The following MRGPRX3 variants were observed in gnomAD, a reference collection of about 807,000 sequenced individuals.
MRGPRX3 encodes the protein MAS related GPR family member X3, also known as mas-related G protein-coupled receptor member X3.
MRGPRX3 carries 14 observed loss-of-function variants against 16.5 expected under a neutral mutation model. The ratio of observed to expected loss-of-function variants is 0.85; its 90% CI spans 0.56 to 1.33. The LOEUF is 1.33. MRGPRX3 is among the 40% of genes most tolerant of loss of function. The pLI, the probability that MRGPRX3 is intolerant of heterozygous loss-of-function variation, is 0.00. For synonymous variants in MRGPRX3, 199 were observed against 180.1 expected (o/e 1.10, Z -0.84); for missense variants, 449 against 413.0 (o/e 1.09, Z -0.76).
chr11:18,124,932 G>A (rs995426354), intron 1 of MRGPRX3, among the ~76,000 whole-genome samples: 5 of 152,180 alleles, frequency 3.3e-5, no homozygotes, highest in East Asian at 1.9e-4. Context: ...TATATGTGTC[G>A]AGGAATTTAT....
At chr11:18,121,825 A>G (rs1848841097) in intron 1 of MRGPRX3, among the ~76,000 whole-genome samples, 1 of 151,744 alleles carries the variant, frequency 6.6e-6, no homozygotes, top group African/African-American at 2.4e-5. Context: ...AGTCATCACC[A>G]CTCCCTAATC....
chr11:18,129,112 T>C (rs1047760892), upstream of MRGPRX3, among the ~76,000 whole-genome samples: 1 of 152,060 alleles, frequency 6.6e-6, no homozygotes, highest in African/African-American at 2.4e-5. Flanking sequence ...AAATAGACAA[T>C]CTGAAGTCAC....
intron 1 of MRGPRX3, among the ~76,000 whole-genome samples, chr11:18,136,519 A>G (rs1849008720): frequency 1.3e-5 from 2 of 152,240 alleles, no homozygotes; most frequent in Non-Finnish European, 2.9e-5. Flanking sequence ...AATGCCTTAC[A>G]TTGTGCTTTC....
chr11:18,124,625 T>C (rs1300995116), intron 1 of MRGPRX3, among the ~76,000 whole-genome samples: 2 of 152,226 alleles, frequency 1.3e-5, no homozygotes, highest in Non-Finnish European at 2.9e-5. Flanking sequence ...TCGATATTCA[T>C]CAGGGATATT....
In MRGPRX3 at chr11:18,138,298, A is replaced by C. The variant is rs573693849; in HGVS notation, c.*127A>C. Reference sequence around the variant, plus strand: ...CTCAGTGGTCCCTCAAGGTCTTCGAATAGATGTTTATCTAACCTGACAGTT... The same window carrying C: ...CTCAGTGGTCCCTCAAGGTCTTCGACTAGATGTTTATCTAACCTGACAGTT... On this transcript the variant is annotated 3_prime_UTR_variant, in exon 2 of 2. Transcript: ENST00000621697. The C allele has an allele frequency of 1.4e-6, 2 of 1,430,432 alleles. No homozygotes were observed. The highest frequency in any genetic ancestry group is 1.5e-5 in the South Asian group (1 of 67,818). The allele number at this position is 1,430,432 out of a possible 1,614,324, so 88.6% of individuals were successfully genotyped here.
At chr11:18,131,692 A>G (rs894484624), upstream of MRGPRX3, among the ~76,000 whole-genome samples, 5 of 152,000 alleles carry the variant, frequency 3.3e-5, no homozygotes, top group African/African-American at 9.7e-5. Context: ...ATGTATAAAT[A>G]TATATATTTA....
intron 1 of MRGPRX3, among the ~76,000 whole-genome samples, chr11:18,123,250 G>A (rs1031401887): frequency 8.6e-5 from 13 of 152,022 alleles, no homozygotes; most frequent in Non-Finnish European, 1.3e-4. Flanking sequence ...TTTTAGACAC[G>A]AAGTCCTTGC....
At chr11:18,130,588 T>C (rs886734934), upstream of MRGPRX3, among the ~76,000 whole-genome samples, 2 of 151,446 alleles carry the variant, frequency 1.3e-5, no homozygotes, top group Non-Finnish European at 2.9e-5. Context: ...AAAATGACCA[T>C]ATTGCCAAAA....
At chr11:18,132,029 A>G (rs1251332227), upstream of MRGPRX3, among the ~76,000 whole-genome samples, 1 of 152,162 alleles carries the variant, frequency 6.6e-6, no homozygotes, top group African/African-American at 2.4e-5. Flanking sequence ...GGAAGCAAAC[A>G]CCACCTGTTC....
At chr11:18,121,354 C>T (rs1438712199) in intron 1 of MRGPRX3, among the ~76,000 whole-genome samples, 2 of 151,948 alleles carry the variant, frequency 1.3e-5, no homozygotes, top group Admixed American at 1.3e-4. Flanking sequence ...CCTGGCCAGC[C>T]GCCCCGTCCG....
At chr11:18,121,809 G>A (rs1173650530) in intron 1 of MRGPRX3, among the ~76,000 whole-genome samples, 2 of 151,982 alleles carry the variant, frequency 1.3e-5, no homozygotes, top group East Asian at 1.9e-4. Context: ...CAGCATGCTC[G>A]TTAAGAGTCA....
upstream of MRGPRX3, among the ~76,000 whole-genome samples, chr11:18,129,732 G>C (rs1206387509): frequency 6.6e-6 from 1 of 152,052 alleles, no homozygotes; most frequent in Non-Finnish European, 1.5e-5. Flanking sequence ...ATACAAAAAA[G>C]AAAACTATAG....
chr11:18,137,868 G>A lies in MRGPRX3; in HGVS notation c.666G>A (p.Val222=), dbSNP rs575605336. Residue 222 remains valine, a synonymous_variant, in exon 2 of 2, where the codon GTG becomes GTA. Coordinates refer to ENST00000621697, the MANE Select transcript of MRGPRX3 (RefSeq NM_001370464.1). The part of the protein sequence containing the change: ...TRLYVTILLT[V]LVFLLCGLPF... ...TGTACGTGACCATCCTCCTCACAGT[G>A]CTGGTCTTCCTCCTCTGTGGCCTGC... 9.3e-6 allele frequency: 15 copies of A among 1,614,196 alleles called. No homozygotes were observed. The African/African-American group carries it at 1.6e-4, about 17-fold the overall frequency.
intron 1 of MRGPRX3, among the ~76,000 whole-genome samples, chr11:18,125,024 C>T (rs1245884964): frequency 4.6e-5 from 7 of 152,210 alleles, no homozygotes; most frequent in South Asian, 2.1e-4. Flanking sequence ...TCTGTGGGAT[C>T]GATGGTGATA....
rs1564882308 is a variant in MRGPRX3, at chr11:18,137,691, C to T, written c.489C>T (p.Phe163=). 2 of 1,614,076 alleles carry T rather than the reference C, an allele frequency of 1.2e-6. No individual in the cohort carries two copies. The change falls in exon 2 of 2, where the codon TTC becomes TTT. Residue 163 remains phenylalanine, a synonymous_variant. Coordinates refer to ENST00000621697, the MANE Select transcript of MRGPRX3 (RefSeq NM_001370464.1). ...TCCTGGAGTGGATGTTCTGTGACTT[C>T]CTGTTTAGTGGTGCTAATTCTGTTT... The part of the protein sequence containing the change: ...RSILEWMFCD[F]LFSGANSVWC...
chr11:18,132,009 A>T (rs901246224), upstream of MRGPRX3, among the ~76,000 whole-genome samples: 3 of 152,166 alleles, frequency 2.0e-5, no homozygotes, highest in Non-Finnish European at 4.4e-5. Flanking sequence ...CCACTAAAGA[A>T]CTTATCCATG....
At chr11:18,125,670 T>A (rs1009322080) in intron 1 of MRGPRX3, among the ~76,000 whole-genome samples, 1 of 152,208 alleles carries the variant, frequency 6.6e-6, no homozygotes, top group Non-Finnish European at 1.5e-5. Context: ...TTCTGTTGAT[T>A]TGGGGTGGAG....
intron 1 of MRGPRX3, among the ~76,000 whole-genome samples, chr11:18,121,661 A>G (rs1848838306): frequency 6.6e-6 from 1 of 152,228 alleles, no homozygotes; most frequent in Non-Finnish European, 1.5e-5. Context: ...ACAAAGAAAG[A>G]TTCTTCTGCC....
intron 1 of MRGPRX3, among the ~76,000 whole-genome samples, chr11:18,127,535 T>C (rs1187347855): frequency 1.3e-5 from 2 of 152,266 alleles, no homozygotes; most frequent in African/African-American, 4.8e-5. Flanking sequence ...CTTCCATCAC[T>C]GATACCCTTT....
Sources: gnomAD v4.1 joint callset for allele counts (sites outside exome capture counted in the v4.1 genomes callset) on GRCh38, gnomAD v4.1.1 for gene constraint, MANE v1.5 for transcripts, NCBI Gene and HGNC (gene_info 2026-07-23, HGNC 2026-07-21) for gene names.